The following CDC42EP4 variants were observed in gnomAD, a reference collection of about 807,000 sequenced individuals.
The protein encoded by CDC42EP4 is CDC42 effector protein 4, also known as CDC42 effector protein (Rho GTPase binding) 4.
CDC42EP4 carries 6 observed loss-of-function variants against 5.6 expected under a neutral mutation model. That is an observed-to-expected ratio of 1.07 (90% CI 0.59 to 2.12). The LOEUF is 2.12. Among genes scored for constraint, CDC42EP4 ranks in the 30% most tolerant of loss-of-function variants. The pLI is 0.00. For synonymous variants in CDC42EP4, 230 were observed against 224.2 expected (o/e 1.03, Z -0.23); for missense variants, 490 against 508.6 (o/e 0.96, Z 0.35).
In CDC42EP4 at chr17:73,285,760, G is replaced by C; in HGVS notation, c.741C>G (p.Gly247=). Reference sequence around the variant, plus strand: ...CGTACGGGGGAGCCTGGGTGATGGTGCCAGCGGCGCCCTCATCGCCATGGT... The same window carrying C: ...CGTACGGGGGAGCCTGGGTGATGGTCCCAGCGGCGCCCTCATCGCCATGGT... The part of the protein sequence containing the change: ...GGYHGDEGAA[G]TITQAPPYAV... Residue 247 remains glycine, a synonymous_variant, in exon 2 of 2, where the codon GGC becomes GGG. Coordinates refer to ENST00000335793, the MANE Select transcript of CDC42EP4 (RefSeq NM_012121.5). This position sits in a 1 kb window ranked among gnomAD's most constrained non-coding sequence, Gnocchi z 6.8. The C allele has an allele frequency of 6.3e-7, 1 of 1,593,312 alleles. No individual in the cohort carries two copies. The highest frequency in any genetic ancestry group is 8.6e-7 in the Non-Finnish European group (1 of 1,164,212).
intron 1 of CDC42EP4, among the ~76,000 whole-genome samples, chr17:73,292,059 C>A (rs547546073): frequency 6.6e-6 from 1 of 152,324 alleles, no homozygotes; most frequent in South Asian, 2.1e-4. Flanking sequence ...CGGGCAGTGG[C>A]CTGTCCCTGG....
chr17:73,308,688 C>G (rs1568347159), intron 1 of CDC42EP4, among the ~76,000 whole-genome samples: 1 of 152,130 alleles, frequency 6.6e-6, no homozygotes, highest in Non-Finnish European at 1.5e-5. Flanking sequence ...GGTGGAAGCC[C>G]TGGGCCACTG....
rs980533346 is a variant in CDC42EP4 at position 73,283,912 on chromosome 17, T to A, written c.*1518A>T. 1 of 152,048 alleles carries A rather than the reference T, an allele frequency of 6.6e-6. No individual in the cohort carries two copies. Among genetic ancestry groups the A allele is most frequent in the African/African-American group, 2.4e-5 (1 of 41,362 alleles). The allele number at this position is 152,048 out of a possible 1,614,324, so 9.4% of individuals were successfully genotyped here. ...GCCATGGGGACGCCCCTGGCTGTGG[T>A]TGGTTCTGTGTCTCCCCCTCCCCTC... On this transcript the variant is annotated 3_prime_UTR_variant, in exon 2 of 2. Coordinates refer to ENST00000335793, the MANE Select transcript of CDC42EP4 (RefSeq NM_012121.5).
At chr17:73,289,763 GGA>G (rs2062152335) in intron 1 of CDC42EP4, among the ~76,000 whole-genome samples, 6 of 134,748 alleles carry the variant, frequency 4.5e-5, no homozygotes, top group Admixed American at 1.6e-4. Context: ...GGAAGGGAGG[GGA>G]AGGAAAGGAA....
chr17:73,303,810 G>A (rs2062231595), intron 1 of CDC42EP4, among the ~76,000 whole-genome samples: 1 of 152,096 alleles, frequency 6.6e-6, no homozygotes, highest in Admixed American at 6.5e-5. Context: ...CCTGCTCACT[G>A]TGATTTGAAT....
At chr17:73,300,355 T>C (rs925630822) in intron 1 of CDC42EP4, among the ~76,000 whole-genome samples, 1 of 151,828 alleles carries the variant, frequency 6.6e-6, no homozygotes, top group African/African-American at 2.4e-5. Context: ...CGGGTGTGGG[T>C]CAGGGAGGGA....
intron 1 of CDC42EP4, among the ~76,000 whole-genome samples, chr17:73,310,434 C>T (rs990960947): frequency 7.9e-5 from 12 of 152,042 alleles, no homozygotes; most frequent in African/African-American, 2.7e-4. Flanking sequence ...GCACCCTGGA[C>T]CCTCAGGGGA....
chr17:73,303,965 A>G (rs1398393273), intron 1 of CDC42EP4, among the ~76,000 whole-genome samples: 2 of 152,370 alleles, frequency 1.3e-5, no homozygotes, highest in Admixed American at 1.3e-4. Context: ...TTGCTGGAAG[A>G]TATAGCATAA....
At position 73,301,549 on chromosome 17, in the gene CDC42EP4, T is replaced by G. The variant is rs748511772; in HGVS notation, c.-113+10344A>C. ...CTTTCAGGCAATTATGTGCATAACC[T>G]TAACTATTTCCAGATGATACATTCT... On this transcript the variant is annotated intron_variant, in intron 1 of 1. Coordinates refer to ENST00000335793, the MANE Select transcript of CDC42EP4 (RefSeq NM_012121.5). Among the ~76,000 whole-genome samples the G allele has an allele frequency of 9.9e-5, 15 of 152,220 alleles. 1 individual carries two copies. The highest frequency in any genetic ancestry group is 2.6e-4 in the Admixed American group (4 of 15,270).
chr17:73,309,555 C>T (rs144426770), intron 1 of CDC42EP4, among the ~76,000 whole-genome samples: 7 of 151,702 alleles, frequency 4.6e-5, no homozygotes, highest in Non-Finnish European at 7.4e-5. Flanking sequence ...GGGACAAGCA[C>T]GGTGGGTGGG....
Position 73,285,540 on chromosome 17 carries a change from G to A in CDC42EP4, c.961C>T (p.Arg321Cys), listed in dbSNP as rs377292744. 4.3e-6 allele frequency: 7 copies of A among 1,611,600 alleles called. No individual in the cohort carries two copies. Among genetic ancestry groups the A allele is most frequent in the Non-Finnish European group, 5.9e-6 (7 of 1,179,434 alleles). ...SSCTSGILEERSPAFRGPDRA... is the reference protein window; with the variant it reads ...SSCTSGILEECSPAFRGPDRA... ...TCCGGCCCCCGGAAGGCAGGGCTGCGCTCCTCCAGGATGCCTGAGGTGCAG... is the reference window on the plus strand; with the variant it reads ...TCCGGCCCCCGGAAGGCAGGGCTGCACTCCTCCAGGATGCCTGAGGTGCAG... The change falls in exon 2 of 2, where the codon CGC (arginine) becomes TGC (cysteine). Residue 321 changes from arginine to cysteine, a missense_variant. Arg to Cys is a radical substitution (Grantham distance 180). Transcript: ENST00000335793. This position sits in a 1 kb window ranked among gnomAD's most constrained non-coding sequence, Gnocchi z 6.8.
chr17:73,290,440 G>A (rs2062156128), intron 1 of CDC42EP4, among the ~76,000 whole-genome samples: 1 of 152,234 alleles, frequency 6.6e-6, no homozygotes. Flanking sequence ...GTTCCACACT[G>A]TTGCTATTTG....
intron 1 of CDC42EP4, among the ~76,000 whole-genome samples, chr17:73,301,909 T>C (rs2062221139): frequency 6.6e-6 from 1 of 152,132 alleles, no homozygotes; most frequent in Non-Finnish European, 1.5e-5. Flanking sequence ...AGGCTGGTCT[T>C]CAACTCTTGA....
chr17:73,306,330 TAAA>T (rs56874446), intron 1 of CDC42EP4, among the ~76,000 whole-genome samples: 1 of 133,820 alleles, frequency 7.5e-6, no homozygotes, highest in Non-Finnish European at 1.6e-5. Flanking sequence ...ACCCTGTCTC[TAAA>T]AAAAAAAAAA....
intron 1 of CDC42EP4, among the ~76,000 whole-genome samples, chr17:73,289,808 AAGAG>A (rs749765064): frequency 2.8e-5 from 4 of 143,066 alleles, no homozygotes; most frequent in South Asian, 2.3e-4. Flanking sequence ...GAAAAAAAGA[AAGAG>A]AGAAAGAAAA....
At chr17:73,300,684 A>C (rs1428913833) in intron 1 of CDC42EP4, among the ~76,000 whole-genome samples, 1 of 152,214 alleles carries the variant, frequency 6.6e-6, no homozygotes, top group Admixed American at 6.5e-5. Flanking sequence ...TTCACACTAC[A>C]CAATATACCC....
intron 1 of CDC42EP4, among the ~76,000 whole-genome samples, chr17:73,297,060 G>A (rs1399268572): frequency 4.0e-5 from 6 of 148,728 alleles, no homozygotes; most frequent in African/African-American, 7.4e-5. Flanking sequence ...TTGGGAGGCC[G>A]AGGTGGGCAG....
chr17:73,302,573 C>T (rs1342448700), intron 1 of CDC42EP4, among the ~76,000 whole-genome samples: 1 of 152,054 alleles, frequency 6.6e-6, no homozygotes, highest in Non-Finnish European at 1.5e-5. Context: ...ACGTCCTAGG[C>T]TCAAGCAATC....
chr17:73,304,593 G>C (rs1047031251), intron 1 of CDC42EP4, among the ~76,000 whole-genome samples: 36 of 127,794 alleles, frequency 2.8e-4, no homozygotes, highest in African/African-American at 1.0e-3. Context: ...AGGAGAGAGA[G>C]ACAAGAATCC....
Sources: gnomAD v4.1 joint callset for allele counts (sites outside exome capture counted in the v4.1 genomes callset) on GRCh38, gnomAD v4.1.1 for gene constraint, Gnocchi (gnomAD v3.1) non-coding constraint, MANE v1.5 for transcripts, NCBI Gene and HGNC (gene_info 2026-07-23, HGNC 2026-07-21) for gene names.